CETP: variants seen among roughly 807,000 people sequenced by gnomAD.
CETP encodes cholesteryl ester transfer protein.
In CETP, 56 loss-of-function variants were observed where a neutral mutation model predicts 66.5. The observed-to-expected ratio is 0.84, with a 90% CI of 0.68 to 1.05. The LOEUF is 1.05. Among genes scored for constraint, CETP ranks in the 50% least tolerant of loss-of-function variants. CETP has a pLI of 0.00. For synonymous variants in CETP, 251 were observed against 245.7 expected (o/e 1.02, Z -0.20); for missense variants, 612 against 609.6 (o/e 1.00, Z -0.04).
chr16:56,968,729 CTTTT>C (rs201835654), intron 2 of CETP, among the ~76,000 whole-genome samples: 1 of 126,958 alleles, frequency 7.9e-6, no homozygotes, highest in Non-Finnish European at 1.7e-5. Context: ...GAGTCTTCTT[CTTTT>C]TTTTTTTTTT....
intron 10 of CETP, among the ~76,000 whole-genome samples, chr16:56,976,829 TA>T: frequency 6.6e-6 from 1 of 152,222 alleles, no homozygotes; most frequent in East Asian, 1.9e-4. Flanking sequence ...AGTATCTTTT[TA>T]GTTCATTAAT....
intron 2 of CETP, among the ~76,000 whole-genome samples, chr16:56,963,912 G>A (rs747715156): frequency 2.0e-5 from 3 of 151,530 alleles, no homozygotes; most frequent in East Asian, 1.9e-4. Context: ...CAAGTGATCC[G>A]CCCACCTCAG....
chr16:56,981,693 G>A lies in CETP; in HGVS notation c.1248+13G>A, dbSNP rs1461948734. The A allele has an allele frequency of 6.2e-7, 1 of 1,613,496 alleles. No homozygotes were observed. Among genetic ancestry groups the A allele is most frequent in the Non-Finnish European group, 8.5e-7 (1 of 1,179,424 alleles). On this transcript the variant is annotated intron_variant, in intron 13 of 15. Coordinates refer to ENST00000200676, the MANE Select transcript of CETP (RefSeq NM_000078.3). Reference sequence around the variant, plus strand: ...CAACTTGACTGAGGTAGGTAGTCTTGGATAGACTGGGGGAAATAAGTCCTG... The same window carrying A: ...CAACTTGACTGAGGTAGGTAGTCTTAGATAGACTGGGGGAAATAAGTCCTG...
chr16:56,974,753 C>G (rs965854862), intron 9 of CETP, among the ~76,000 whole-genome samples: 6 of 152,196 alleles, frequency 3.9e-5, no homozygotes, highest in Admixed American at 6.5e-5. Context: ...GAGGTGGCCC[C>G]AAAGCCTGTA....
intron 2 of CETP, 66 bp from the exon 3 acceptor site, chr16:56,969,320 G>A: frequency 6.2e-7 from 1 of 1,607,538 alleles, no homozygotes; most frequent in East Asian, 2.2e-5. Context: ...AGACAAAATT[G>A]GAGGCTCACT....
At chr16:56,968,572 T>G (rs948552560) in intron 2 of CETP, among the ~76,000 whole-genome samples, 11 of 152,262 alleles carry the variant, frequency 7.2e-5, no homozygotes, top group African/African-American at 2.4e-4. Context: ...ATATACCATT[T>G]ACATTTCTAA....
chr16:56,979,679 T>C (rs1380460995), intron 11 of CETP, among the ~76,000 whole-genome samples: 1 of 152,132 alleles, frequency 6.6e-6, no homozygotes, highest in African/African-American at 2.4e-5. Flanking sequence ...CACGCCCAGC[T>C]AATTTTTAGT....
Position 56,971,026 on chromosome 16 carries a change from C to T in CETP, c.528-7C>T, listed in dbSNP as rs1237677746. 6.2e-7 allele frequency: 1 copy of T among 1,614,004 alleles called. No homozygotes were observed. The highest frequency in any genetic ancestry group is 1.3e-5 in the African/African-American group (1 of 74,936). ...CAGGGGCTCATTGTGGTGCTTGCTGCCTTCAGGCCTGGGTGGATCAAGCAG... is the reference window on the plus strand; with the variant it reads ...CAGGGGCTCATTGTGGTGCTTGCTGTCTTCAGGCCTGGGTGGATCAAGCAG... On this transcript the variant is annotated splice_region_variant and splice_polypyrimidine_tract_variant and intron_variant, in intron 5 of 15. Transcript: ENST00000200676.
rs1240736192 is a variant in CETP at position 56,971,003 on chromosome 16, G to A, written c.528-30G>A. 1.9e-6 allele frequency: 3 copies of A among 1,612,058 alleles called. No homozygotes were observed. The African/African-American group carries it at 4.0e-5, about 22-fold the overall frequency. On this transcript the variant is annotated intron_variant, in intron 5 of 15. Transcript: ENST00000200676. ...CTCCATGGATGCACAGGACTGGTCAGGGGCTCATTGTGGTGCTTGCTGCCT... is the reference window on the plus strand; with the variant it reads ...CTCCATGGATGCACAGGACTGGTCAAGGGCTCATTGTGGTGCTTGCTGCCT...
At chr16:56,970,054 G>A (rs2141997612) in intron 5 of CETP, 53 bp downstream of exon 5, 24 of 1,554,898 alleles carry the variant, frequency 1.5e-5, no homozygotes, top group Non-Finnish European at 2.1e-5. Context: ...TCCTGTTAGT[G>A]TGTCCACGGC....
At chr16:56,978,443 G>C (rs373703886) in intron 11 of CETP, among the ~76,000 whole-genome samples, 188 bp downstream of exon 11, 1 of 152,230 alleles carries the variant, frequency 6.6e-6, no homozygotes, top group Non-Finnish European at 1.5e-5. Flanking sequence ...GGGTACACAC[G>C]TGGTTTCCAC....
intron 12 of CETP, 102 bp downstream of exon 12, chr16:56,981,327 C>A: frequency 1.0e-6 from 1 of 995,504 alleles, no homozygotes; most frequent in South Asian, 1.3e-5. Flanking sequence ...AAATGTGGCC[C>A]CTTTCTTCTG....
At chr16:56,981,585 C>T (rs2056188360) in intron 12 of CETP, 62 bp from the exon 13 acceptor site, 1 of 1,569,836 alleles carries the variant, frequency 6.4e-7, no homozygotes, top group Non-Finnish European at 8.8e-7. Context: ...GTTTCTTTCC[C>T]AGGGGATGTT....
Position 56,962,064 on chromosome 16 carries a change from G to C in CETP, c.85G>C (p.Val29Leu), listed in dbSNP as rs747564264. ...SKGTSHEAGI[V>L]CRITKPALLV... ...AGGCACCTCGCACGAGGCAGGCATC[G>C]TGTGCCGCATCACCAAGCCTGCCCT... Residue 29 changes from valine (V) to leucine (L), a missense_variant, in exon 1 of 16, where the codon GTG becomes CTG. By Grantham distance (32) the Val-to-Leu change is conservative. Transcript: ENST00000200676. The C allele has an allele frequency of 6.2e-7, 1 of 1,614,100 alleles. No homozygotes were observed. The highest frequency in any genetic ancestry group is 8.5e-7 in the Non-Finnish European group (1 of 1,180,010).
At chr16:56,964,765 G>T (rs761227529) in intron 2 of CETP, among the ~76,000 whole-genome samples, 1 of 152,222 alleles carries the variant, frequency 6.6e-6, no homozygotes, top group Non-Finnish European at 1.5e-5. Flanking sequence ...CGCCGCTAGC[G>T]GGTGCTGTGG....
rs2056091161 is a variant in CETP, at chr16:56,969,388, T to A, written c.236T>A (p.Ile79Asn). ...LGQVKYGLHN[I>N]QISHLSIASS... is the part of the protein sequence containing the mutation. ...TCCTCACTTCCATTCCTTCCCAGCA[T>A]CCAGATCAGCCACTTGTCCATCGCC... Residue 79 changes from isoleucine to asparagine, a missense_variant and splice_region_variant, in exon 3 of 16, where the codon ATC becomes AAC. By Grantham distance (149) the Ile-to-Asn change is moderately radical. Transcript: ENST00000200676. 1 of 1,613,852 alleles carries A rather than the reference T, an allele frequency of 6.2e-7. No individual in the cohort carries two copies. Among genetic ancestry groups the A allele is most frequent in the Non-Finnish European group, 8.5e-7 (1 of 1,180,000 alleles).
At chr16:56,980,305 C>T (rs1297782280) in intron 11 of CETP, among the ~76,000 whole-genome samples, 1 of 152,118 alleles carries the variant, frequency 6.6e-6, no homozygotes, top group Non-Finnish European at 1.5e-5. Context: ...CGGTGATCCT[C>T]CCACCTCAGC....
Sources: gnomAD v4.1 joint callset for allele counts (sites outside exome capture counted in the v4.1 genomes callset) on GRCh38, gnomAD v4.1.1 for gene constraint, MANE v1.5 for transcripts, NCBI Gene and HGNC (gene_info 2026-07-23, HGNC 2026-07-21) for gene names.